GNAL: variants seen among roughly 807,000 people sequenced by gnomAD.
GNAL encodes the protein G protein subunit alpha L, also known as guanine nucleotide-binding protein G(olf) subunit alpha.
In GNAL, 18 loss-of-function variants were observed where a neutral mutation model predicts 55.1. The observed-to-expected ratio is 0.33, with a 90% CI of 0.23 to 0.48. The LOEUF (loss-of-function observed/expected upper bound fraction) is 0.48, where lower values mean the gene tolerates loss of function less well. GNAL is among the 20% of genes least tolerant of loss of function. GNAL has a pLI of 0.99. For synonymous variants in GNAL, 253 were observed against 237.0 expected (o/e 1.07, Z -0.62); for missense variants, 412 against 614.1 (o/e 0.67, Z 3.48).
chr18:11,710,700 GA>G (rs1451121711), intron 1 of GNAL, among the ~76,000 whole-genome samples: 1 of 151,252 alleles, frequency 6.6e-6, no homozygotes, highest in Admixed American at 6.6e-5. Context: ...TTTTCTTTTA[GA>G]ACGTTGAATA....
At chr18:11,702,840 C>T (rs759888589) in intron 1 of GNAL, among the ~76,000 whole-genome samples, 1 of 151,776 alleles carries the variant, frequency 6.6e-6, no homozygotes, top group Non-Finnish European at 1.5e-5. Flanking sequence ...AAAAATAGCC[C>T]GGTGCGATGG....
rs1256075254 is a variant in GNAL at position 11,696,305 on chromosome 18, A to T, written c.376+6366A>T. ...ATCATGAGGTCAGGAGCTCGAGACC[A>T]TCCTGGCTAACATGGTGAAACCCCG... On this transcript the variant is annotated intron_variant, in intron 1 of 11. Coordinates refer to ENST00000334049, the MANE Select transcript of GNAL (RefSeq NM_182978.4). Among the ~76,000 whole-genome samples the T allele has an allele frequency of 2.6e-5, 4 of 151,842 alleles. No individual in the cohort carries two copies. In the East Asian group the frequency reaches 7.7e-4, roughly 29 times the overall value.
At chr18:11,727,978 A>C (rs1248523700) in intron 1 of GNAL, among the ~76,000 whole-genome samples, 1 of 152,124 alleles carries the variant, frequency 6.6e-6, no homozygotes, top group African/African-American at 2.4e-5. Context: ...TATAACCCCA[A>C]CAATCTGGGA....
intron 1 of GNAL, among the ~76,000 whole-genome samples, chr18:11,706,975 A>G (rs2143344239): frequency 6.6e-6 from 1 of 152,272 alleles, no homozygotes; most frequent in South Asian, 2.1e-4. Flanking sequence ...GGTGCTCATA[A>G]TGGCATCTAG....
chr18:11,847,835 T>A (rs16976742), intron 5 of GNAL, among the ~76,000 whole-genome samples: 8,059 of 152,196 alleles, frequency 0.053, 251 homozygotes, highest in South Asian at 0.098. Context: ...ATAATCTTCC[T>A]TTTGCTAGAT....
intron 4 of GNAL, among the ~76,000 whole-genome samples, chr18:11,767,390 C>T (rs2033442944): frequency 6.6e-6 from 1 of 150,756 alleles, no homozygotes; most frequent in African/African-American, 2.4e-5. Context: ...GCACACTTGC[C>T]TCTGAGCACC....
chr18:11,754,136 CA>C (rs1424560155), intron 4 of GNAL, among the ~76,000 whole-genome samples, 191 bp downstream of exon 4: 1 of 152,074 alleles, frequency 6.6e-6, no homozygotes, highest in Non-Finnish European at 1.5e-5. Flanking sequence ...TAACTACGGC[CA>C]GGGGCGGTGG....
intron 4 of GNAL, among the ~76,000 whole-genome samples, chr18:11,824,264 G>C (rs1450779985): frequency 5.9e-5 from 1 of 16,940 alleles, no homozygotes; most frequent in Non-Finnish European, 3.0e-4. Context: ...GGCTGAGATG[G>C]GGGGGGGGTT....
rs147411108 is a variant in GNAL, at chr18:11,696,463, C to T, written c.376+6524C>T. ...GAGCTTGCAGTGAGCCGAGATCATG[C>T]CACTGCACTTAAGCTTGGGCGACTG... On this transcript the variant is annotated intron_variant, in intron 1 of 11. Transcript: ENST00000334049. Among the ~76,000 whole-genome samples, 522 of 151,556 alleles carry T rather than the reference C, an allele frequency of 3.4e-3. 3 individuals carry two copies. The highest frequency in any genetic ancestry group is 0.012 in the African/African-American group (507 of 41,134).
At chr18:11,790,651 C>CTTTTTTTTTTTT (rs1232488173) in intron 4 of GNAL, among the ~76,000 whole-genome samples, 37 of 83,342 alleles carry the variant, frequency 4.4e-4, no homozygotes, top group African/African-American at 1.7e-3. Context: ...CTTTTCTTTT[C>CTTTTTTTTTTTT]TTTTTTTTTC....
chr18:11,879,440 C>T (rs2036610118), intron 11 of GNAL, among the ~76,000 whole-genome samples: 1 of 152,152 alleles, frequency 6.6e-6, no homozygotes, highest in Non-Finnish European at 1.5e-5. Context: ...GTGTCTTAAA[C>T]AGCAGAAATG....
intron 5 of GNAL, among the ~76,000 whole-genome samples, chr18:11,857,971 T>C (rs556138615): frequency 2.0e-5 from 3 of 152,340 alleles, no homozygotes; most frequent in Admixed American, 6.5e-5. Flanking sequence ...GCTATATGTT[T>C]TCACACACAA....
chr18:11,719,923 C>T (rs1317156510), intron 1 of GNAL, among the ~76,000 whole-genome samples: 1 of 152,220 alleles, frequency 6.6e-6, no homozygotes, highest in Non-Finnish European at 1.5e-5. Flanking sequence ...GACAGATGTC[C>T]CTGGGAGGTT....
At chr18:11,746,471 G>T (rs2032689720) in intron 1 of GNAL, 3 of 251,852 alleles carry the variant, frequency 1.2e-5, no homozygotes, top group Admixed American at 4.8e-5. Context: ...TTACCCAGGA[G>T]TGGTGGCACA....
At chr18:11,777,421 C>T (rs9303746) in intron 4 of GNAL, among the ~76,000 whole-genome samples, 3 of 152,046 alleles carry the variant, frequency 2.0e-5, no homozygotes, top group African/African-American at 4.8e-5. Flanking sequence ...TCAGATGACT[C>T]GTTAAGCTTT....
At chr18:11,710,317 C>G (rs752390892) in intron 1 of GNAL, among the ~76,000 whole-genome samples, 4 of 152,078 alleles carry the variant, frequency 2.6e-5, no homozygotes, top group Middle Eastern at 3.2e-3. Context: ...TGGAAGTGTT[C>G]CCTTTATGTT....
intron 1 of GNAL, among the ~76,000 whole-genome samples, chr18:11,718,401 G>A (rs568439498): frequency 2.0e-5 from 3 of 152,128 alleles, no homozygotes; most frequent in African/African-American, 4.8e-5. Flanking sequence ...TAATCAATAC[G>A]GCAGAGTCAA....
chr18:11,699,832 G>A (rs2031517195), intron 1 of GNAL, among the ~76,000 whole-genome samples: 1 of 152,148 alleles, frequency 6.6e-6, no homozygotes, highest in Non-Finnish European at 1.5e-5. Flanking sequence ...GAACCCTAGT[G>A]TAGCCCTTCC....
At chr18:11,788,906 A>ATATATAT (rs1555650621) in intron 4 of GNAL, among the ~76,000 whole-genome samples, 71 of 23,540 alleles carry the variant, frequency 3.0e-3, no homozygotes, top group Admixed American at 0.012. Context: ...CGAAAAAAAA[A>ATATATAT]AAAAAAAAAT....
Sources: gnomAD v4.1 joint callset for allele counts (sites outside exome capture counted in the v4.1 genomes callset) on GRCh38, gnomAD v4.1.1 for gene constraint, MANE v1.5 for transcripts, NCBI Gene and HGNC (gene_info 2026-07-23, HGNC 2026-07-21) for gene names.